Variants in SYT13 observed in about 807,000 individuals in gnomAD.
SYT13 encodes the protein synaptotagmin-13.
SYT13 carries 21 observed loss-of-function variants against 38.6 expected under a neutral mutation model. That is an observed-to-expected ratio of 0.54 (90% CI 0.39 to 0.78). The LOEUF is 0.78. Among genes scored for constraint, SYT13 ranks in the 30% least tolerant of loss-of-function variants. The pLI is 0.00. For synonymous variants in SYT13, 241 were observed against 237.6 expected (o/e 1.01, Z -0.13); for missense variants, 495 against 548.7 (o/e 0.90, Z 0.98).
At chr11:45,265,676 C>T (rs374438363) in intron 1 of SYT13, among the ~76,000 whole-genome samples, 13 of 152,106 alleles carry the variant, frequency 8.5e-5, no homozygotes, top group East Asian at 7.7e-4. Flanking sequence ...GCACTAATCC[C>T]ATCATGAGGG....
At chr11:45,283,770 G>A (rs1020871609) in intron 1 of SYT13, among the ~76,000 whole-genome samples, 7 of 152,228 alleles carry the variant, frequency 4.6e-5, no homozygotes, top group Non-Finnish European at 1.0e-4. Flanking sequence ...GCATGCACCA[G>A]TATTTGAAGA....
chr11:45,260,588 G>T (rs1854802988), intron 1 of SYT13, among the ~76,000 whole-genome samples: 2 of 152,140 alleles, frequency 1.3e-5, no homozygotes, highest in African/African-American at 4.8e-5. Flanking sequence ...GATATTCTCT[G>T]TCTACGTGTC....
intron 4 of SYT13, 62 bp from the exon 5 acceptor site, chr11:45,246,574 A>G (rs1484243755): frequency 1.3e-5 from 21 of 1,578,536 alleles, no homozygotes; most frequent in Non-Finnish European, 1.8e-5. Flanking sequence ...CAACCCATCA[A>G]CAAATGCTGA....
chr11:45,285,855 C>T (rs1855127933), intron 1 of SYT13, 170 bp downstream of exon 1: 2 of 469,428 alleles, frequency 4.3e-6, no homozygotes, highest in African/African-American at 4.1e-5. Flanking sequence ...CCTCCCCCAT[C>T]CCCCTACCTT....
At chr11:45,266,314 A>G (rs927790114) in intron 1 of SYT13, among the ~76,000 whole-genome samples, 1 of 152,240 alleles carries the variant, frequency 6.6e-6, no homozygotes, top group Non-Finnish European at 1.5e-5. Flanking sequence ...GGAAGCAGTC[A>G]GGAGCAATTG....
At chr11:45,284,072 T>C (rs1855106507) in intron 1 of SYT13, among the ~76,000 whole-genome samples, 1 of 152,218 alleles carries the variant, frequency 6.6e-6, no homozygotes, top group Non-Finnish European at 1.5e-5. Context: ...GCCATTTGTA[T>C]GAAAGGCCAG....
intron 1 of SYT13, chr11:45,258,519 A>G (rs1854775644): frequency 6.6e-6 from 1 of 152,206 alleles, no homozygotes. Flanking sequence ...GAGAGACACC[A>G]TTGCTTTATT....
chr11:45,257,301 C>G (rs1478965685), intron 1 of SYT13, among the ~76,000 whole-genome samples: 1 of 152,046 alleles, frequency 6.6e-6, no homozygotes, highest in Non-Finnish European at 1.5e-5. Context: ...TCCTGGTCCT[C>G]AGGATTGAAG....
chr11:45,255,514 ATAATT>A, intron 2 of SYT13, 147 bp downstream of exon 2: 1 of 702,696 alleles, frequency 1.4e-6, no homozygotes, highest in South Asian at 1.9e-5. Context: ...AGAAAGGACC[ATAATT>A]CTGAGGCCCA....
chr11:45,245,399 C>T (rs1365720649), intron 5 of SYT13, among the ~76,000 whole-genome samples: 1 of 152,158 alleles, frequency 6.6e-6, no homozygotes, highest in Admixed American at 6.5e-5. Context: ...ATTGTCCTGA[C>T]AGGAGCTATA....
chr11:45,270,163 G>C (rs60503886), intron 1 of SYT13, among the ~76,000 whole-genome samples: 1 of 152,126 alleles, frequency 6.6e-6, no homozygotes, highest in Non-Finnish European at 1.5e-5. Context: ...CTGTCCCACT[G>C]TACTGGTTTA....
intron 2 of SYT13, chr11:45,254,728 A>G (rs1565380722): frequency 9.1e-6 from 2 of 220,330 alleles, no homozygotes; most frequent in Non-Finnish European, 1.8e-5. Flanking sequence ...TCTTCTTCCC[A>G]TATCTTCCCC....
intron 1 of SYT13, among the ~76,000 whole-genome samples, chr11:45,280,365 A>T (rs986979131): frequency 2.0e-4 from 30 of 151,982 alleles, no homozygotes; most frequent in East Asian, 5.8e-4. Flanking sequence ...GCAATTTATT[A>T]AAAAAAACAC....
chr11:45,281,956 T>C (rs1022927167), intron 1 of SYT13, among the ~76,000 whole-genome samples: 1 of 152,206 alleles, frequency 6.6e-6, no homozygotes, highest in Non-Finnish European at 1.5e-5. Context: ...TCTCCTTTCT[T>C]ACTCCCAATT....
intron 5 of SYT13, among the ~76,000 whole-genome samples, chr11:45,246,108 T>C (rs1405377952): frequency 1.3e-5 from 2 of 152,144 alleles, no homozygotes; most frequent in Non-Finnish European, 2.9e-5. Context: ...TCATAGTGGA[T>C]CTCCAAGGTA....
At position 45,252,731 on chromosome 11, in the gene SYT13, A is replaced by C; in HGVS notation, c.545-9T>G. ...GTGGTTGCTGGTCACAGCTGCAGGC[A>C]AGGAGAACAACACAGGCGTGGGACT... On this transcript the variant is annotated splice_polypyrimidine_tract_variant and intron_variant, in intron 3 of 5. Coordinates refer to ENST00000020926, the MANE Select transcript of SYT13 (RefSeq NM_020826.3). The surrounding 1 kb of genome is among the most constrained non-coding windows in gnomAD (Gnocchi z 4.3). 1 of 1,561,446 alleles carries C rather than the reference A, an allele frequency of 6.4e-7. No homozygotes were observed. The highest frequency in any genetic ancestry group is 8.7e-7 in the Non-Finnish European group (1 of 1,147,874).
At chr11:45,257,447 C>A (rs1854762586) in intron 1 of SYT13, among the ~76,000 whole-genome samples, 1 of 152,136 alleles carries the variant, frequency 6.6e-6, no homozygotes. Context: ...CCATGCTAGC[C>A]CTCCTGGCCC....
At chr11:45,271,378 C>T (rs1347743262) in intron 1 of SYT13, among the ~76,000 whole-genome samples, 2 of 152,120 alleles carry the variant, frequency 1.3e-5, no homozygotes, top group East Asian at 1.9e-4. Context: ...GCTTCCTGGA[C>T]GAGGGGCTTC....
At position 45,244,336 on chromosome 11, in the gene SYT13, A is replaced by G; in HGVS notation, c.997T>C (p.Leu333=). The G allele has an allele frequency of 6.2e-7, 1 of 1,613,636 alleles. No homozygotes were observed. Among genetic ancestry groups the G allele is most frequent in the Non-Finnish European group, 8.5e-7 (1 of 1,179,766 alleles). ...TTCAGCTTCCGAGCCTGGTGCTTCA[A>G]GGTCACCTTGACAGAGACATCTGGG... The part of the protein sequence containing the change: ...LGKDVSVKVT[L]KHQARKLKKK... Residue 333 remains leucine (L), a synonymous_variant, in exon 6 of 6, where the codon TTG becomes CTG. Transcript: ENST00000020926.
Sources: allele counts gnomAD v4.1 joint callset (sites outside exome capture counted in the v4.1 genomes callset), GRCh38; gene constraint gnomAD v4.1.1; non-coding constraint Gnocchi (gnomAD v3.1); transcripts MANE v1.5; gene names NCBI Gene and HGNC (gene_info 2026-07-23, HGNC 2026-07-21).